Variants in ZDHHC2 observed in about 807,000 individuals in gnomAD.
ZDHHC2 encodes zDHHC palmitoyltransferase 2.
Under a neutral mutation model 55.6 loss-of-function variants are expected in ZDHHC2, and 51 were observed. The ratio of observed to expected loss-of-function variants is 0.92; its 90% confidence interval spans 0.73 to 1.16. The LOEUF (loss-of-function observed/expected upper bound fraction) is 1.16. ZDHHC2 is among the 50% of genes most tolerant of loss of function. The probability of loss-of-function intolerance (pLI) is 0.00; values close to 1 mark genes in which losing one functional copy is unlikely to be tolerated. For synonymous variants in ZDHHC2, 199 were observed against 152.9 expected, an observed-to-expected ratio of 1.30 and a Z score of -2.22; for missense variants, 491 against 442.4, an observed-to-expected ratio of 1.11 and a Z score of -0.99.
At chr8:17,210,177 T>TA in intron 9 of ZDHHC2, 119 bp downstream of exon 9, 1 of 1,229,450 alleles carries the variant, frequency 8.1e-7, no homozygotes, top group Non-Finnish European at 1.1e-6. Context: ...CTCTTATTTT[T>TA]AAAAAATATT....
chr8:17,201,154 C>G lies in ZDHHC2; in HGVS notation c.476+2741C>G, dbSNP rs571994784. 1.2e-3 allele frequency among the ~76,000 whole-genome samples: 189 copies of G among 152,270 alleles called. 2 individuals are homozygous for G. The highest frequency in any genetic ancestry group is 2.3e-3 in the Non-Finnish European group (155 of 68,026). ...AATAAAACAGGTAGCCATGTTCTTCCCAGTCCCTCTCCCCACCTTCTTCCA... is the reference window on the plus strand; with the variant it reads ...AATAAAACAGGTAGCCATGTTCTTCGCAGTCCCTCTCCCCACCTTCTTCCA... On this transcript the variant is annotated intron_variant, in intron 6 of 12. Transcript: ENST00000262096.
At chr8:17,187,529 A>C (rs1424100848) in intron 3 of ZDHHC2, among the ~76,000 whole-genome samples, 7 of 152,132 alleles carry the variant, frequency 4.6e-5, no homozygotes, top group African/African-American at 1.7e-4. Flanking sequence ...TAAAAACCAC[A>C]GATGTTTGCG....
In ZDHHC2 at chr8:17,197,624, G is replaced by A. The variant is rs1806387205; in HGVS notation, c.416G>A (p.Arg139His). Reference sequence around the variant, plus strand: ...AGATGCCAACTTATAAAACCAGATCGCTGCCATCACTGCTCCGTCTGTGAT... The same window carrying A: ...AGATGCCAACTTATAAAACCAGATCACTGCCATCACTGCTCCGTCTGTGAT... ...CDRCQLIKPD[R>H]CHHCSVCDKC... Residue 139 changes from arginine (R) to histidine (H), a missense_variant, in exon 5 of 13, where the codon CGC (arginine) becomes CAC (histidine). Physicochemically the swap from Arg to His is conservative, Grantham distance 29. Coordinates refer to ENST00000262096, the MANE Select transcript of ZDHHC2 (RefSeq NM_016353.5). The A allele has an allele frequency of 1.2e-6, 2 of 1,613,648 alleles. No individual in the cohort carries two copies. The highest frequency in any genetic ancestry group is 8.5e-7 in the Non-Finnish European group (1 of 1,179,698).
chr8:17,208,325 TATATAGATATATAGATATAGTGGC>T (rs1175652728), intron 8 of ZDHHC2, among the ~76,000 whole-genome samples: 1 of 149,952 alleles, frequency 6.7e-6, no homozygotes, highest in African/African-American at 2.4e-5. Context: ...TATATATCTA[TATATAGATATATAGATATAGTGGC>T]ATATAGATAT....
intron 1 of ZDHHC2, among the ~76,000 whole-genome samples, chr8:17,157,997 C>G (rs930616800): frequency 1.3e-5 from 2 of 152,078 alleles, no homozygotes; most frequent in Non-Finnish European, 2.9e-5. Context: ...AAAATAATCA[C>G]TGATGTAAGT....
intron 3 of ZDHHC2, among the ~76,000 whole-genome samples, chr8:17,192,149 A>G (rs776510852): frequency 6.6e-6 from 1 of 151,896 alleles, no homozygotes; most frequent in Admixed American, 6.6e-5. Flanking sequence ...ACGCCTATCT[A>G]ATTTTTTTTA....
intron 3 of ZDHHC2, among the ~76,000 whole-genome samples, chr8:17,194,330 A>G (rs1806195060): frequency 7.0e-6 from 1 of 142,880 alleles, no homozygotes; most frequent in South Asian, 2.3e-4. Context: ...TATATACAAA[A>G]TATATAAATA....
intron 7 of ZDHHC2, among the ~76,000 whole-genome samples, 157 bp from the exon 8 acceptor site, chr8:17,207,803 C>A (rs1461508685): frequency 2.4e-4 from 37 of 151,510 alleles, no homozygotes; most frequent in Admixed American, 2.4e-3. Flanking sequence ...GAAATATATG[C>A]ATATTTTTCC....
chr8:17,168,720 G>C (rs1554457253), intron 1 of ZDHHC2, among the ~76,000 whole-genome samples: 1 of 151,936 alleles, frequency 6.6e-6, no homozygotes, highest in Non-Finnish European at 1.5e-5. Context: ...TGTCCAGGTA[G>C]CTCCTATGAG....
At chr8:17,215,154 G>T in intron 10 of ZDHHC2, 83 bp from the exon 11 acceptor site, 2 of 1,253,858 alleles carry the variant, frequency 1.6e-6, no homozygotes, top group Non-Finnish European at 2.2e-6. Context: ...AAGTGGTTTT[G>T]GTTCCATACA....
chr8:17,161,614 T>A (rs1804347198), intron 1 of ZDHHC2, among the ~76,000 whole-genome samples: 1 of 152,178 alleles, frequency 6.6e-6, no homozygotes, highest in African/African-American at 2.4e-5. Flanking sequence ...TCCCAGCACT[T>A]TGGGAGGCCA....
Position 17,195,487 on chromosome 8 carries a change from T to G in ZDHHC2, c.253-17T>G. ...TTTCTTTGAAAATACTGATTAAGATTTAAATGTATTCCACAGTTCCATCTC... is the reference window on the plus strand; with the variant it reads ...TTTCTTTGAAAATACTGATTAAGATGTAAATGTATTCCACAGTTCCATCTC... On this transcript the variant is annotated splice_polypyrimidine_tract_variant and intron_variant, in intron 3 of 12. Transcript: ENST00000262096. The G allele has an allele frequency of 6.2e-7, 1 of 1,605,158 alleles. No homozygotes were observed. Among genetic ancestry groups the G allele is most frequent in the Non-Finnish European group, 8.5e-7 (1 of 1,175,028 alleles).
chr8:17,192,806 G>A (rs560219437), intron 3 of ZDHHC2, among the ~76,000 whole-genome samples: 1 of 152,202 alleles, frequency 6.6e-6, no homozygotes, highest in South Asian at 2.1e-4. Context: ...TATGGCAAGA[G>A]ATATGTGTCT....
At chr8:17,218,423 T>A (rs1294950332) in intron 12 of ZDHHC2, among the ~76,000 whole-genome samples, 1 of 152,184 alleles carries the variant, frequency 6.6e-6, no homozygotes, top group Non-Finnish European at 1.5e-5. Context: ...AAATCATCAG[T>A]TGCAATAACC....
At chr8:17,197,981 T>A (rs1434842569) in intron 5 of ZDHHC2, among the ~76,000 whole-genome samples, 1 of 152,230 alleles carries the variant, frequency 6.6e-6, no homozygotes, top group East Asian at 1.9e-4. Context: ...AGTCAGACGT[T>A]GTTATATATT....
At chr8:17,176,845 A>T (rs1359050831) in intron 1 of ZDHHC2, among the ~76,000 whole-genome samples, 3 of 152,172 alleles carry the variant, frequency 2.0e-5, no homozygotes, top group African/African-American at 7.2e-5. Flanking sequence ...TTTGACTTAA[A>T]GTATAATAAA....
chr8:17,212,885 T>C (rs1807454678), intron 10 of ZDHHC2, among the ~76,000 whole-genome samples: 1 of 151,976 alleles, frequency 6.6e-6, no homozygotes, highest in Non-Finnish European at 1.5e-5. Context: ...ATAAAATGTC[T>C]CCATTAACAG....
Position 17,220,956 on chromosome 8 carries a change from CTCT to C in ZDHHC2, c.*740_*742del, listed in dbSNP as rs1162156929. ...TATTACATCAGAAATATATTTTCAT[CTCT>C]TCTTGTTAAATTGGGAGGAAATTTA... On this transcript the variant is annotated 3_prime_UTR_variant, in exon 13 of 13. Coordinates refer to ENST00000262096, the MANE Select transcript of ZDHHC2 (RefSeq NM_016353.5). 1 of 152,174 alleles carries C rather than the reference CTCT, an allele frequency of 6.6e-6. No homozygotes were observed. The highest frequency in any genetic ancestry group is 2.4e-5 in the African/African-American group (1 of 41,440). 9.4% of individuals were successfully genotyped at this position (152,174 alleles called of 1,614,324 possible). A position where few individuals can be genotyped will look rare whatever the true frequency, so the allele number is the denominator to read the frequency against.
intron 1 of ZDHHC2, among the ~76,000 whole-genome samples, chr8:17,167,046 A>G (rs1346567300): frequency 6.6e-6 from 1 of 152,200 alleles, no homozygotes; most frequent in African/African-American, 2.4e-5. Context: ...AGCGGTAACC[A>G]TGTCTGGTTT....
Sources: gnomAD v4.1 joint callset for allele counts (sites outside exome capture counted in the v4.1 genomes callset) on GRCh38, gnomAD v4.1.1 for gene constraint, MANE v1.5 for transcripts, NCBI Gene and HGNC (gene_info 2026-07-23, HGNC 2026-07-21) for gene names.